RALYL: variants seen among roughly 807,000 people sequenced by gnomAD.
RALYL encodes RNA-binding Raly-like protein.
A neutral mutation model predicts 35.1 loss-of-function variants in RALYL; 29 were observed. The observed-to-expected ratio is 0.83, with a 90% CI of 0.61 to 1.13. RALYL has a LOEUF of 1.13. Ranked by LOEUF, RALYL falls within the 50% of genes most tolerant of loss-of-function variation. The pLI is 0.00. For synonymous variants in RALYL, 120 were observed against 127.6 expected (o/e 0.94, Z 0.40); for missense variants, 359 against 360.4 (o/e 1.00, Z 0.03).
At chr8:84,806,963 A>T (rs1268268940) in intron 4 of RALYL, among the ~76,000 whole-genome samples, 4 of 152,208 alleles carry the variant, frequency 2.6e-5, no homozygotes, top group Non-Finnish European at 5.9e-5. Context: ...ATGAACCGAG[A>T]TCGCACCACT....
At chr8:84,745,477 A>T (rs1318325135) in intron 2 of RALYL, among the ~76,000 whole-genome samples, 1 of 152,024 alleles carries the variant, frequency 6.6e-6, no homozygotes, top group African/African-American at 2.4e-5. Flanking sequence ...ATACATATGT[A>T]TTAGAGAAGA....
At chr8:84,283,589 C>T (rs1837037604) in intron 1 of RALYL, among the ~76,000 whole-genome samples, 1 of 152,048 alleles carries the variant, frequency 6.6e-6, no homozygotes, top group Admixed American at 6.6e-5. Flanking sequence ...AGACTAGGTC[C>T]TTATTTAGTC....
chr8:84,724,822 A>G (rs369844282), intron 2 of RALYL, among the ~76,000 whole-genome samples: 9 of 151,798 alleles, frequency 5.9e-5, no homozygotes, highest in African/African-American at 2.2e-4. Flanking sequence ...CATCAAATCA[A>G]TAGTCCTTAA....
At chr8:84,784,112 G>A (rs1051824329) in intron 3 of RALYL, among the ~76,000 whole-genome samples, 1 of 152,128 alleles carries the variant, frequency 6.6e-6, no homozygotes, top group Non-Finnish European at 1.5e-5. Flanking sequence ...GCATTCTCTG[G>A]CAGTTAGAAC....
At chr8:84,670,885 C>T (rs1476065508) in intron 2 of RALYL, among the ~76,000 whole-genome samples, 3 of 152,208 alleles carry the variant, frequency 2.0e-5, no homozygotes, top group Non-Finnish European at 4.4e-5. Flanking sequence ...CAAAACGAAT[C>T]ATGCCTTCCC....
At chr8:84,321,828 G>T (rs961253070) in intron 1 of RALYL, among the ~76,000 whole-genome samples, 3 of 152,020 alleles carry the variant, frequency 2.0e-5, no homozygotes, top group Non-Finnish European at 4.4e-5. Context: ...TTAAAGTAAA[G>T]AAATGGTGAC....
chr8:84,247,493 C>T (rs541670940), intron 1 of RALYL, among the ~76,000 whole-genome samples: 37 of 150,918 alleles, frequency 2.5e-4, no homozygotes, highest in Middle Eastern at 3.5e-3. Context: ...AAGTTTATTC[C>T]TGCAAGTTTG....
chr8:84,698,744 G>C (rs1055311144), intron 2 of RALYL, among the ~76,000 whole-genome samples: 15 of 152,228 alleles, frequency 9.9e-5, no homozygotes, highest in African/African-American at 3.4e-4. Context: ...GCCAGGAAAA[G>C]AGGAAGGCAG....
At chr8:84,191,153 A>G (rs1450730400) in intron 1 of RALYL, among the ~76,000 whole-genome samples, 1 of 148,250 alleles carries the variant, frequency 6.7e-6, no homozygotes, top group Non-Finnish European at 1.5e-5. Context: ...TGTTGTTCCC[A>G]GGATTGTATG....
intron 1 of RALYL, among the ~76,000 whole-genome samples, chr8:84,396,543 T>G (rs1861793461): frequency 6.6e-6 from 1 of 152,062 alleles, no homozygotes. Context: ...ACCTGTGGAC[T>G]AGAAGGAAAA....
chr8:84,502,111 T>C (rs2056735205), intron 1 of RALYL, among the ~76,000 whole-genome samples: 2 of 151,896 alleles, frequency 1.3e-5, no homozygotes, highest in Non-Finnish European at 2.9e-5. Flanking sequence ...TTTTTAAGAG[T>C]AAATAGTTAT....
chr8:84,497,932 C>T (rs6991702), intron 1 of RALYL, among the ~76,000 whole-genome samples: 2,474 of 149,014 alleles, frequency 0.017, 69 homozygotes, highest in African/African-American at 0.057. Flanking sequence ...TGAGGAACCA[C>T]GCCCAGCCTA....
chr8:84,659,952 A>T (rs1348501568), intron 2 of RALYL, among the ~76,000 whole-genome samples: 1 of 152,246 alleles, frequency 6.6e-6, no homozygotes, highest in Admixed American at 6.5e-5. Flanking sequence ...CTATATGAAT[A>T]GGACAAGAAA....
chr8:84,381,977 T>C (rs1159001886), intron 1 of RALYL, among the ~76,000 whole-genome samples: 1 of 151,840 alleles, frequency 6.6e-6, no homozygotes, highest in African/African-American at 2.4e-5. Flanking sequence ...ATTTTATTGA[T>C]GATTGGAAAT....
In RALYL at chr8:84,425,785, G is replaced by GTGTGTA. The variant is rs1563908308; in HGVS notation, c.-23-103509_-23-103508insATGTGT. ...TTTTTAGAAAGCCAGTTTTTCTTCT[G>GTGTGTA]TGTGTGTGTGTGTGTGTGTGTGTGT... On this transcript the variant is annotated intron_variant, in intron 1 of 8. Transcript: ENST00000521268. Among the ~76,000 whole-genome samples, 356 of 43,550 alleles carry GTGTGTA rather than the reference G, an allele frequency of 8.2e-3. 3 individuals are homozygous for GTGTGTA. Among genetic ancestry groups the GTGTGTA allele is most frequent in the African/African-American group, 0.04 (339 of 8,380 alleles). The allele number at this position is 43,550 out of a possible 152,430, so 28.6% of individuals were successfully genotyped here.
chr8:84,746,681 T>G (rs1429127702), intron 2 of RALYL, among the ~76,000 whole-genome samples: 2 of 151,950 alleles, frequency 1.3e-5, no homozygotes, highest in African/African-American at 4.8e-5. Flanking sequence ...ACTATTCCCC[T>G]AAGATAGTTC....
rs569348206 is a variant in RALYL at position 84,474,693 on chromosome 8, C to T, written c.-23-54606C>T. ...TCAGTCTCATGACATTGTAAAGAGACGTCCCTGTAAATGTACCTGAATCAA... is the reference window on the plus strand; with the variant it reads ...TCAGTCTCATGACATTGTAAAGAGATGTCCCTGTAAATGTACCTGAATCAA... On this transcript the variant is annotated intron_variant, in intron 1 of 8. Coordinates refer to ENST00000521268, the MANE Select transcript of RALYL (RefSeq NM_173848.7). 1.2e-4 allele frequency among the ~76,000 whole-genome samples: 18 copies of T among 152,090 alleles called. No homozygotes were observed. The East Asian group carries it at 2.1e-3, about 18-fold the overall frequency.
At chr8:84,450,413 C>T (rs1397678097) in intron 1 of RALYL, among the ~76,000 whole-genome samples, 2 of 151,790 alleles carry the variant, frequency 1.3e-5, no homozygotes, top group African/African-American at 2.4e-5. Flanking sequence ...TCAGTTCCTC[C>T]AGGCTGCATG....
At chr8:84,589,666 A>G (rs1456351643) in intron 2 of RALYL, among the ~76,000 whole-genome samples, 1 of 152,214 alleles carries the variant, frequency 6.6e-6, no homozygotes, top group East Asian at 1.9e-4. Context: ...CAATTATTAT[A>G]TTAATTATTT....
Sources: gnomAD v4.1 joint callset for allele counts (sites outside exome capture counted in the v4.1 genomes callset) on GRCh38, gnomAD v4.1.1 for gene constraint, MANE v1.5 for transcripts, NCBI Gene and HGNC (gene_info 2026-07-23, HGNC 2026-07-21) for gene names.